OVCH1: variants seen among roughly 807,000 people sequenced by gnomAD.
OVCH1 encodes the protein ovochymase-1.
Under a neutral mutation model 138.4 loss-of-function variants are expected in OVCH1, and 139 were observed. The ratio of observed to expected loss-of-function variants is 1.00; its 90% CI spans 0.87 to 1.16. The LOEUF is 1.16. Ranked by LOEUF, OVCH1 falls within the 50% of genes most tolerant of loss-of-function variation. OVCH1 has a pLI of 0.00. For synonymous variants in OVCH1, 453 were observed against 467.8 expected, an observed-to-expected ratio of 0.97 and a Z score of 0.41; for missense variants, 1,367 against 1,357.9, an observed-to-expected ratio of 1.01 and a Z score of -0.11.
chr12:29,444,765 A>G (rs541187480), intron 23 of OVCH1, among the ~76,000 whole-genome samples: 8 of 152,196 alleles, frequency 5.3e-5, no homozygotes, highest in African/African-American at 1.7e-4. Context: ...CACTAATTAC[A>G]TATTCTAAAG....
At chr12:29,471,219 T>C (rs943575794) in intron 16 of OVCH1, among the ~76,000 whole-genome samples, 1 of 152,198 alleles carries the variant, frequency 6.6e-6, no homozygotes, top group East Asian at 1.9e-4. Context: ...ACAAATATAT[T>C]ATGTATATTA....
intron 13 of OVCH1, among the ~76,000 whole-genome samples, chr12:29,475,835 T>A (rs1592092208): frequency 6.6e-6 from 1 of 152,196 alleles, no homozygotes; most frequent in Non-Finnish European, 1.5e-5. Context: ...CAGACCCACG[T>A]AGAAATTATA....
rs11453988 is a variant in OVCH1 at position 29,473,121 on chromosome 12, A to AT, written c.1601-19dup. 231,222 of 1,549,046 alleles carry AT rather than the reference A, an allele frequency of 0.15. 19,189 individuals carry two copies. The highest frequency in any genetic ancestry group is 0.34 in the African/African-American group (25,240 of 73,182). ...TAAAGACTCTGTAGAAGAAAAAAAAATTAATTGAAAGTAATTAGAGAAGTT... is the reference window on the plus strand; with the variant it reads ...TAAAGACTCTGTAGAAGAAAAAAAAATTTAATTGAAAGTAATTAGAGAAGTT... On this transcript the variant is annotated intron_variant, in intron 14 of 27. Coordinates refer to ENST00000318184, the Ensembl canonical transcript of OVCH1.
intron 25 of OVCH1, among the ~76,000 whole-genome samples, chr12:29,441,873 G>A (rs1941494010): frequency 6.6e-6 from 1 of 152,130 alleles, no homozygotes; most frequent in East Asian, 1.9e-4. Flanking sequence ...ATGAAAAAAT[G>A]CTCACCGTCA....
chr12:29,441,655 A>G (rs1016619814), intron 25 of OVCH1, among the ~76,000 whole-genome samples: 2 of 152,246 alleles, frequency 1.3e-5, no homozygotes, highest in Non-Finnish European at 2.9e-5. Flanking sequence ...TCTGCACAGC[A>G]AAAGAAACTA....
intron 22 of OVCH1, among the ~76,000 whole-genome samples, chr12:29,450,463 A>T (rs890474570): frequency 3.9e-5 from 6 of 152,164 alleles, no homozygotes; most frequent in Non-Finnish European, 5.9e-5. Context: ...AAACCACAAT[A>T]AGATACCATC....
intron 21 of OVCH1, among the ~76,000 whole-genome samples, chr12:29,452,455 C>CT (rs35765093): frequency 0.58 from 87,404 of 151,938 alleles, 25,606 homozygotes; most frequent in African/African-American, 0.68. Context: ...CTACAAGAAC[C>CT]AATCAGATAT....
At chr12:29,496,612 A>C in exon 2 of OVCH1, 1 of 1,613,908 alleles carries the variant, frequency 6.2e-7, no homozygotes, top group Non-Finnish European at 8.5e-7. Flanking sequence ...CTAGAGAAGA[A>C]TCTAGATCCC....
Position 29,442,552 on chromosome 12 carries a change from G to A in OVCH1, c.3157+809C>T, listed in dbSNP as rs561078015. 3.3e-5 allele frequency among the ~76,000 whole-genome samples: 5 copies of A among 151,248 alleles called. No homozygotes were observed. The East Asian group carries it at 7.8e-4, about 24-fold the overall frequency. On this transcript the variant is annotated intron_variant, in intron 25 of 27. Coordinates refer to ENST00000318184, the Ensembl canonical transcript of OVCH1. ...ACGAGTTAATGGGTGCAGCACACCA[G>A]CATGGCACATGTATACATATGTAAC...
chr12:29,455,545 T>C (rs2135954355), intron 19 of OVCH1, 140 bp from the exon 20 acceptor site: 8 of 1,003,882 alleles, frequency 8.0e-6, no homozygotes, highest in Non-Finnish European at 6.9e-6. Flanking sequence ...TTTCCATCTT[T>C]ACATACTATC....
At chr12:29,460,428 C>A (rs1942091991) in intron 19 of OVCH1, among the ~76,000 whole-genome samples, 1 of 152,156 alleles carries the variant, frequency 6.6e-6, no homozygotes, top group South Asian at 2.1e-4. Context: ...TGTACTCTAG[C>A]AGACAGCAGG....
chr12:29,437,667 G>T (rs1476657190), intron 26 of OVCH1, among the ~76,000 whole-genome samples: 1 of 152,106 alleles, frequency 6.6e-6, no homozygotes, highest in Non-Finnish European at 1.5e-5. Context: ...GTAAAGAGAT[G>T]GCCAGAGGAT....
chr12:29,405,674 C>G, the OVCH1 span, among the ~76,000 whole-genome samples: 13 of 152,294 alleles, frequency 8.5e-5, no homozygotes, highest in East Asian at 1.3e-3. Flanking sequence ...TTCTTTTTAT[C>G]TTCACTACGG....
chr12:29,472,311 C>A (rs1053631775), intron 15 of OVCH1, among the ~76,000 whole-genome samples: 2 of 150,082 alleles, frequency 1.3e-5, no homozygotes, highest in Non-Finnish European at 3.0e-5. Context: ...AATACTGGCC[C>A]CCATGGAACT....
chr12:29,427,801 ATGGTTCAT>A (rs1394922737), intron 27 of OVCH1, among the ~76,000 whole-genome samples: 2 of 152,210 alleles, frequency 1.3e-5, no homozygotes, highest in Non-Finnish European at 2.9e-5. Context: ...CAGAAATTGC[ATGGTTCAT>A]TGAAGTAAAA....
chr12:29,448,317 C>T (rs976007016), intron 22 of OVCH1, among the ~76,000 whole-genome samples: 11 of 151,354 alleles, frequency 7.3e-5, no homozygotes, highest in African/African-American at 7.3e-5. Context: ...TAGTGGTCTG[C>T]GGCCCGGGGG....
At chr12:29,475,918 A>C (rs1043361119) in intron 13 of OVCH1, among the ~76,000 whole-genome samples, 3 of 152,230 alleles carry the variant, frequency 2.0e-5, no homozygotes, top group African/African-American at 7.2e-5. Flanking sequence ...GAAAGCAGGA[A>C]GCTGTAAAAT....
intron 25 of OVCH1, among the ~76,000 whole-genome samples, chr12:29,441,058 TAGAA>T (rs1170123317): frequency 6.6e-5 from 10 of 152,228 alleles, no homozygotes; most frequent in East Asian, 1.9e-4. Context: ...AACTGAGTCT[TAGAA>T]AGATTTGAGA....
At chr12:29,491,331 C>T in intron 4 of OVCH1, 139 bp from the exon 5 acceptor site, 1 of 714,074 alleles carries the variant, frequency 1.4e-6, no homozygotes, top group East Asian at 2.8e-5. Flanking sequence ...GTTTTGGCCC[C>T]TCCATATAAA....
Sources: gnomAD v4.1 joint callset for allele counts (sites outside exome capture counted in the v4.1 genomes callset) on GRCh38, gnomAD v4.1.1 for gene constraint, MANE v1.5 for transcripts, NCBI Gene and HGNC (gene_info 2026-07-23, HGNC 2026-07-21) for gene names.